Variants in PAPPA observed in about 807,000 individuals in gnomAD.
PAPPA encodes pappalysin-1.
A neutral mutation model predicts 164.0 loss-of-function variants in PAPPA; 60 were observed. That is an observed-to-expected ratio of 0.37 (90% CI 0.30 to 0.45). The LOEUF is 0.45. PAPPA is among the 20% of genes least tolerant of loss of function. PAPPA has a pLI of 1.00. For missense variants in PAPPA, 1,782 were observed against 2,087.3 expected (o/e 0.85, Z 2.85); for synonymous variants, 875 against 814.1 (o/e 1.07, Z -1.27).
chr9:116,255,596 G>A lies in PAPPA; in HGVS notation c.2733-10261G>A, dbSNP rs180979569. ...AGGTAAACCCTGGATCTAAATTTGT[G>A]GTTGGTATAGTTTGGATAAGGGAGA... is the stretch of plus-strand genomic sequence containing the variant. On this transcript the variant is annotated intron_variant, in intron 7 of 21. Transcript: ENST00000328252. 2.0e-5 allele frequency among the ~76,000 whole-genome samples: 3 copies of A among 151,936 alleles called. No individual in the cohort carries two copies. The East Asian group carries it at 5.9e-4, about 30-fold the overall frequency.
intron 7 of PAPPA, among the ~76,000 whole-genome samples, chr9:116,262,253 A>T (rs1486158937): frequency 6.6e-6 from 1 of 152,106 alleles, no homozygotes; most frequent in African/African-American, 2.4e-5. Context: ...TTCAAAATAG[A>T]CAAACAACTT....
At chr9:116,243,708 G>A (rs758410474) in intron 7 of PAPPA, among the ~76,000 whole-genome samples, 4 of 152,016 alleles carry the variant, frequency 2.6e-5, no homozygotes, top group Non-Finnish European at 4.4e-5. Context: ...ACCAAAGAGA[G>A]GAGAAAGCAA....
chr9:116,376,011 A>G (rs1846645316), intron 19 of PAPPA, among the ~76,000 whole-genome samples: 1 of 140,558 alleles, frequency 7.1e-6, no homozygotes, highest in Admixed American at 8.0e-5. Flanking sequence ...TAGAAAAGGG[A>G]ACTTCCAGGA....
chr9:116,209,763 C>A (rs1009078217), intron 3 of PAPPA, among the ~76,000 whole-genome samples: 2 of 152,154 alleles, frequency 1.3e-5, no homozygotes, highest in African/African-American at 4.8e-5. Context: ...CCTCTCATTA[C>A]CTCAATAATG....
chr9:116,220,173 G>A lies in PAPPA; in HGVS notation c.2111+44G>A, dbSNP rs773606930. 12 of 1,433,492 alleles carry A rather than the reference G, an allele frequency of 8.4e-6. No homozygotes were observed. The African/African-American group carries it at 1.7e-4, about 20-fold the overall frequency. 88.8% of individuals were successfully genotyped at this position (1,433,492 alleles called of 1,614,324 possible). On this transcript the variant is annotated intron_variant, in intron 5 of 21. Transcript: ENST00000328252. ...GTGTTGATCCCTCTCTCTCTCTCCT[G>A]CCAAGAAGAAGGAAACTTGGAAGGG...
At chr9:116,299,936 T>G (rs188951451) in intron 9 of PAPPA, among the ~76,000 whole-genome samples, 1 of 152,172 alleles carries the variant, frequency 6.6e-6, no homozygotes, top group East Asian at 1.9e-4. Flanking sequence ...TTATTTTATT[T>G]ATGTCCTCTT....
chr9:116,265,737 G>T, intron 7 of PAPPA, 120 bp from the exon 8 acceptor site: 1 of 728,498 alleles, frequency 1.4e-6, no homozygotes. Context: ...AGCTAAATGT[G>T]CATTTGATTT....
chr9:116,276,634 A>G (rs1845201625), intron 9 of PAPPA, among the ~76,000 whole-genome samples: 1 of 152,202 alleles, frequency 6.6e-6, no homozygotes, highest in Non-Finnish European at 1.5e-5. Flanking sequence ...TATATAGTTA[A>G]GAAAACAAAG....
At chr9:116,242,277 T>G (rs1844745498) in intron 7 of PAPPA, among the ~76,000 whole-genome samples, 1 of 152,088 alleles carries the variant, frequency 6.6e-6, no homozygotes, top group African/African-American at 2.4e-5. Flanking sequence ...ACTTGAAGGA[T>G]GCATAACAGC....
chr9:116,398,645 C>A lies in PAPPA; in HGVS notation c.*2029C>A. The stretch of plus-strand genomic sequence containing the variant: ...TCAAGGTGCTTTTGGCACAGGTGCC[C>A]ACAAATACGGATGCAGTGCTGAGAT... On this transcript the variant is annotated 3_prime_UTR_variant, in exon 22 of 22. Coordinates refer to ENST00000328252, the MANE Select transcript of PAPPA (RefSeq NM_002581.5). 1 of 677,980 alleles carries A rather than the reference C, an allele frequency of 1.5e-6. No individual in the cohort carries two copies. The highest frequency in any genetic ancestry group is 2.3e-6 in the Non-Finnish European group (1 of 429,812). The allele number at this position is 677,980 out of a possible 1,614,324, so 42.0% of individuals were successfully genotyped here.
chr9:116,221,596 T>C lies in PAPPA; in HGVS notation c.2111+1467T>C, dbSNP rs76782850. On this transcript the variant is annotated intron_variant, in intron 5 of 21. Coordinates refer to ENST00000328252, the MANE Select transcript of PAPPA (RefSeq NM_002581.5). ...AGGCTGAAAGGTGACCAGAGGGTCA[T>C]GGAAAGTGGCAGGCACTGGGCTTCA... is the stretch of plus-strand genomic sequence containing the variant. Among the ~76,000 whole-genome samples the C allele has an allele frequency of 2.2e-4, 34 of 152,222 alleles. No homozygotes were observed. The East Asian group carries it at 6.6e-3, about 29-fold the overall frequency.
At chr9:116,384,447 C>A (rs1846777620) in intron 21 of PAPPA, among the ~76,000 whole-genome samples, 1 of 151,672 alleles carries the variant, frequency 6.6e-6, no homozygotes, top group Middle Eastern at 3.2e-3. Context: ...AGGGTGAGAC[C>A]CTGTCTCAAA....
At chr9:116,226,793 C>T (rs1844516280) in intron 5 of PAPPA, among the ~76,000 whole-genome samples, 1 of 152,226 alleles carries the variant, frequency 6.6e-6, no homozygotes, top group Non-Finnish European at 1.5e-5. Context: ...TGGGACTGGT[C>T]CCATTGAGGG....
intron 21 of PAPPA, among the ~76,000 whole-genome samples, chr9:116,394,321 T>G (rs1170985869): frequency 6.6e-6 from 1 of 152,184 alleles, no homozygotes; most frequent in Admixed American, 6.5e-5. Flanking sequence ...TTTGCATGTT[T>G]CTTCTTGCTT....
intron 10 of PAPPA, among the ~76,000 whole-genome samples, chr9:116,303,530 G>A (rs928939847): frequency 6.6e-6 from 1 of 152,158 alleles, no homozygotes; most frequent in Non-Finnish European, 1.5e-5. Flanking sequence ...TCCAGGGAGT[G>A]AGAGTTTTGG....
rs1843583493 is a variant in PAPPA, at chr9:116,154,917, C to G, written c.415+330C>G. On this transcript the variant is annotated intron_variant, in intron 1 of 21. Transcript: ENST00000328252. The surrounding 1 kb of genome is among the most constrained non-coding windows in gnomAD (Gnocchi z 5.2). ...CTCCGAATGGTCAGATGCACTCTCT[C>G]CTTTTGGGATGAAAGGGAGGATGAC... 6.6e-6 allele frequency among the ~76,000 whole-genome samples: 1 copy of G among 152,216 alleles called. No individual in the cohort carries two copies. Among genetic ancestry groups the G allele is most frequent in the Non-Finnish European group, 1.5e-5 (1 of 68,032 alleles).
At chr9:116,344,480 TC>T in intron 13 of PAPPA, 62 bp from the exon 14 acceptor site, 1 of 1,521,708 alleles carries the variant, frequency 6.6e-7, no homozygotes, top group Non-Finnish European at 9.0e-7. Context: ...GCCTTTATCT[TC>T]CAACTGAGCA....
chr9:116,222,682 A>T (rs571402446), intron 5 of PAPPA, among the ~76,000 whole-genome samples: 1 of 152,314 alleles, frequency 6.6e-6, no homozygotes, highest in South Asian at 2.1e-4. Flanking sequence ...GATGACCACC[A>T]GAGGCAGGTG....
intron 10 of PAPPA, among the ~76,000 whole-genome samples, chr9:116,307,533 C>A (rs551022928): frequency 6.6e-6 from 1 of 151,888 alleles, no homozygotes; most frequent in South Asian, 2.1e-4. Context: ...CCGGTTCAAG[C>A]GGTTGCAGTG....
Sources: gnomAD v4.1 joint callset for allele counts (sites outside exome capture counted in the v4.1 genomes callset) on GRCh38, gnomAD v4.1.1 for gene constraint, Gnocchi (gnomAD v3.1) non-coding constraint, MANE v1.5 for transcripts, NCBI Gene and HGNC (gene_info 2026-07-23, HGNC 2026-07-21) for gene names.